The following DLG2 variants were observed in gnomAD, a reference collection of about 807,000 sequenced individuals.
DLG2 encodes disks large homolog 2.
DLG2 carries 45 observed loss-of-function variants against 132.5 expected under a neutral mutation model. The observed-to-expected ratio is 0.34, with a 90% CI of 0.27 to 0.44. DLG2 has a LOEUF of 0.44. DLG2 is among the 20% of genes least tolerant of loss of function. The pLI, the probability that DLG2 is intolerant of heterozygous loss-of-function variation, is 1.00. For missense variants in DLG2, 1,045 were observed against 1,196.9 expected (o/e 0.87, Z 1.87); for synonymous variants, 424 against 419.6 (o/e 1.01, Z -0.13).
chr11:85,347,147 G>T (rs1387740284), intron 3 of DLG2, among the ~76,000 whole-genome samples: 1 of 152,020 alleles, frequency 6.6e-6, no homozygotes, highest in Non-Finnish European at 1.5e-5. Flanking sequence ...CCACTTTTGG[G>T]GGTGCAGAAA....
At position 85,614,743 on chromosome 11, in the gene DLG2, G is replaced by C. The variant is rs1591329655; in HGVS notation, c.-93+11844C>G. ...TTTGTGGAACAATGCTAGGCATTCT[G>C]CACTGATCACCTTATTTAATCTTCA... is the stretch of plus-strand genomic sequence containing the variant. On this transcript the variant is annotated intron_variant, in intron 2 of 27. Transcript: ENST00000376104. Among the ~76,000 whole-genome samples the C allele has an allele frequency of 2.6e-5, 4 of 152,288 alleles. No homozygotes were observed. The East Asian group carries it at 7.7e-4, about 29-fold the overall frequency.
At chr11:83,845,570 ATC>A (rs2058456738) in intron 16 of DLG2, among the ~76,000 whole-genome samples, 1 of 152,230 alleles carries the variant, frequency 6.6e-6, no homozygotes, top group South Asian at 2.1e-4. Context: ...ATAGAAAGAA[ATC>A]TGTCATCATA....
Position 84,917,482 on chromosome 11 carries a change from G to A in DLG2, c.357+194179C>T, listed in dbSNP as rs1397688940. On this transcript the variant is annotated intron_variant, in intron 6 of 27. Coordinates refer to ENST00000376104, the MANE Select transcript of DLG2 (RefSeq NM_001142699.3). ...CTTGGTTTAGAAGGTGACTTCACTG[G>A]CACTTAATATTTGTAATATTAGGCA... 2.0e-5 allele frequency among the ~76,000 whole-genome samples: 3 copies of A among 152,114 alleles called. No individual in the cohort carries two copies. The East Asian group carries it at 5.8e-4, about 29-fold the overall frequency.
chr11:85,624,272 C>T (rs1269769934), intron 2 of DLG2, among the ~76,000 whole-genome samples: 6 of 152,314 alleles, frequency 3.9e-5, no homozygotes, highest in Admixed American at 1.3e-4. Context: ...AGATGTCACA[C>T]CCATTCCCAA....
chr11:84,373,270 C>CA (rs1299753951), intron 7 of DLG2, among the ~76,000 whole-genome samples: 611 of 45,140 alleles, frequency 0.014, 17 homozygotes, highest in African/African-American at 0.04. Flanking sequence ...AAAAACAAAA[C>CA]AAAAAAAAAA....
chr11:85,233,792 G>A (rs1199643642), intron 4 of DLG2, among the ~76,000 whole-genome samples: 1 of 150,236 alleles, frequency 6.7e-6, no homozygotes, highest in African/African-American at 2.4e-5. Context: ...TGGCTGTTGT[G>A]ACTATGTGTG....
chr11:84,308,542 G>T (rs192181851), intron 7 of DLG2, among the ~76,000 whole-genome samples: 2 of 152,218 alleles, frequency 1.3e-5, no homozygotes, highest in Non-Finnish European at 2.9e-5. Context: ...GTCCCCCGCC[G>T]TGCGCCCGCA....
At chr11:83,663,713 A>G (rs1667223465) in intron 18 of DLG2, among the ~76,000 whole-genome samples, 1 of 152,178 alleles carries the variant, frequency 6.6e-6, no homozygotes, top group Non-Finnish European at 1.5e-5. Flanking sequence ...TAATACTATT[A>G]TCCTTAATGC....
intron 16 of DLG2, among the ~76,000 whole-genome samples, chr11:83,850,347 G>T (rs904268061): frequency 6.6e-6 from 1 of 152,044 alleles, no homozygotes; most frequent in Admixed American, 6.5e-5. Context: ...TAGAGATGGG[G>T]TTTCACCGTG....
chr11:83,700,452 C>T lies in DLG2; in HGVS notation c.1826-67127G>A, dbSNP rs546881169. Among the ~76,000 whole-genome samples, 4 of 152,080 alleles carry T rather than the reference C, an allele frequency of 2.6e-5. No homozygotes were observed. The East Asian group carries it at 7.7e-4, about 29-fold the overall frequency. On this transcript the variant is annotated intron_variant, in intron 18 of 27. Transcript: ENST00000376104. ...TTCCCAGAAATTTGAGAGAAAAAGCCCACTTAGAAATAAAGATGGAGCTTT... is the reference window on the plus strand; with the variant it reads ...TTCCCAGAAATTTGAGAGAAAAAGCTCACTTAGAAATAAAGATGGAGCTTT...
intron 3 of DLG2, among the ~76,000 whole-genome samples, chr11:85,319,227 C>T (rs910450033): frequency 1.3e-5 from 2 of 151,540 alleles, no homozygotes; most frequent in Admixed American, 1.3e-4. Context: ...ACCTTAGAAA[C>T]AATAAAAAAA....
chr11:84,918,453 T>C (rs1461446668), intron 6 of DLG2, among the ~76,000 whole-genome samples: 2 of 152,126 alleles, frequency 1.3e-5, no homozygotes, highest in Non-Finnish European at 2.9e-5. Context: ...GGACAGAATT[T>C]AGACAAATAT....
At chr11:84,625,888 A>G (rs1284540986) in intron 6 of DLG2, among the ~76,000 whole-genome samples, 2 of 152,192 alleles carry the variant, frequency 1.3e-5, no homozygotes, top group African/African-American at 4.8e-5. Flanking sequence ...AATCATATCA[A>G]TATTTTCTCT....
At chr11:85,021,710 A>C in intron 6 of DLG2, 1 of 852,448 alleles carries the variant, frequency 1.2e-6, no homozygotes, top group South Asian at 1.5e-5. Flanking sequence ...GATCAAAAAA[A>C]ATCCCATAGG....
intron 3 of DLG2, among the ~76,000 whole-genome samples, chr11:85,507,425 G>A (rs2093960290): frequency 6.6e-6 from 1 of 152,094 alleles, no homozygotes; most frequent in South Asian, 2.1e-4. Context: ...AAATCTCTCA[G>A]CATTTGCTTG....
At chr11:84,789,357 T>C (rs1470260358) in intron 6 of DLG2, among the ~76,000 whole-genome samples, 2 of 152,204 alleles carry the variant, frequency 1.3e-5, no homozygotes, top group African/African-American at 4.8e-5. Flanking sequence ...CTTTGTTAAA[T>C]AGCATTAAGA....
intron 15 of DLG2, among the ~76,000 whole-genome samples, chr11:83,916,008 G>A (rs556786956): frequency 3.3e-5 from 5 of 152,102 alleles, no homozygotes; most frequent in South Asian, 2.1e-4. Flanking sequence ...GGCTCTTTGC[G>A]ATTGTCTTCT....
At chr11:84,224,735 C>A (rs781110005) in intron 8 of DLG2, among the ~76,000 whole-genome samples, 2 of 152,148 alleles carry the variant, frequency 1.3e-5, no homozygotes, top group Admixed American at 6.6e-5. Context: ...TTATACCATG[C>A]GCTCTACTGC....
intron 6 of DLG2, among the ~76,000 whole-genome samples, chr11:84,975,008 A>G (rs779670796): frequency 1.3e-5 from 2 of 152,200 alleles, no homozygotes; most frequent in Non-Finnish European, 2.9e-5. Flanking sequence ...TTGTAACTCA[A>G]TAAGAGTCAG....
Sources: gnomAD v4.1 joint callset for allele counts (sites outside exome capture counted in the v4.1 genomes callset) on GRCh38, gnomAD v4.1.1 for gene constraint, MANE v1.5 for transcripts, NCBI Gene and HGNC (gene_info 2026-07-23, HGNC 2026-07-21) for gene names.